BDP1: variants seen among roughly 807,000 people sequenced by gnomAD.
BDP1 encodes the protein BDP1 general transcription factor IIIB subunit, also known as transcription factor TFIIIB component B'' homolog.
In BDP1, 169 loss-of-function variants were observed where a neutral mutation model predicts 266.6. That is an observed-to-expected ratio of 0.63 (90% CI 0.56 to 0.72). BDP1 has a LOEUF of 0.72. Among genes scored for constraint, BDP1 ranks in the 30% least tolerant of loss-of-function variants. BDP1 has a pLI of 0.00. For missense variants in BDP1, 3,015 were observed against 3,053.8 expected, an observed-to-expected ratio of 0.99 and a Z score of 0.30; for synonymous variants, 1,090 against 1,022.4, an observed-to-expected ratio of 1.07 and a Z score of -1.26.
Position 71,565,129 on chromosome 5 carries a change from A to G in BDP1, c.*244A>G, listed in dbSNP as rs1313686119. The G allele has an allele frequency of 4.8e-6, 2 of 419,634 alleles. No individual in the cohort carries two copies. The highest frequency in any genetic ancestry group is 8.5e-6 in the Non-Finnish European group (2 of 236,400). 26.0% of individuals were successfully genotyped at this position (419,634 alleles called of 1,614,324 possible). A position where few individuals can be genotyped will look rare whatever the true frequency, so the allele number is the denominator to read the frequency against. On this transcript the variant is annotated 3_prime_UTR_variant, in exon 39 of 39. Transcript: ENST00000358731. The stretch of plus-strand genomic sequence containing the variant: ...AATTAAGACTGCTTTCTCAGACAGA[A>G]ATAACAACTCTTGTTTACATTTTGA...
chr5:71,557,375 ATTTTTTTTTTTTTTTT>A (rs55810132), intron 36 of BDP1, among the ~76,000 whole-genome samples: 3 of 103,350 alleles, frequency 2.9e-5, no homozygotes, highest in African/African-American at 4.4e-5. Context: ...TGCCAAGCTA[ATTTTTTTTTTTTTTTT>A]TTTTTTTTTT....
intron 25 of BDP1, among the ~76,000 whole-genome samples, chr5:71,527,461 A>G (rs1765961123): frequency 6.6e-6 from 1 of 152,038 alleles, no homozygotes; most frequent in African/African-American, 2.4e-5. Context: ...TTTGGCAACC[A>G]CTTTTCTACA....
intron 3 of BDP1, 26 bp downstream of exon 3, chr5:71,461,952 C>CAA: frequency 1.4e-6 from 1 of 713,884 alleles, no homozygotes; most frequent in Non-Finnish European, 2.4e-6. Flanking sequence ...TTCTGCTTTA[C>CAA]TATCTCTTTT....
chr5:71,512,336 G>A lies in BDP1; in HGVS notation c.4155G>A (p.Lys1385=). Residue 1385 remains lysine, a synonymous_variant, in exon 18 of 39, where the codon AAG becomes AAA. Coordinates refer to ENST00000358731, the MANE Select transcript of BDP1 (RefSeq NM_018429.3). ...TATCAAGTCACTTCAGTCATTTCAA[G>A]ATTTCTTCACAGACTCATGAATCTG... The part of the protein sequence containing the change: ...KEVSSHFSHF[K]ISSQTHESDK... The A allele has an allele frequency of 6.2e-7, 1 of 1,601,006 alleles. No homozygotes were observed. The highest frequency in any genetic ancestry group is 8.5e-7 in the Non-Finnish European group (1 of 1,176,514).
chr5:71,493,841 G>A (rs145583398), intron 11 of BDP1, among the ~76,000 whole-genome samples: 30 of 152,230 alleles, frequency 2.0e-4, no homozygotes, highest in African/African-American at 7.0e-4. Context: ...AGAAATTAGC[G>A]GGCAAAGATA....
At position 71,566,021 on chromosome 5, in the gene BDP1, T is replaced by G. The variant is rs1009258517; in HGVS notation, c.*1136T>G. The G allele has an allele frequency of 1.8e-5, 4 of 222,882 alleles. No homozygotes were observed. The highest frequency in any genetic ancestry group is 9.3e-5 in the African/African-American group (4 of 42,834). 13.8% of individuals were successfully genotyped at this position (222,882 alleles called of 1,614,324 possible). On this transcript the variant is annotated 3_prime_UTR_variant, in exon 39 of 39. Transcript: ENST00000358731. The stretch of plus-strand genomic sequence containing the variant: ...ATTTATGTTTGTCTCCTTTTTCTGT[T>G]TAATTTTAAAGATATTTAAAATGAT...
Position 71,510,985 on chromosome 5 carries a change from T to A in BDP1, c.3893T>A (p.Ile1298Asn). Residue 1298 changes from isoleucine (I) to asparagine (N), a missense_variant, in exon 17 of 39, where the codon ATC becomes AAC. Transcript: ENST00000358731. ...TTTAGAGAGAGAGGATCTGAAGAGA[T>A]CTGTGTTACTGAGGAAAAGGTGGCA... ...ENFRERGSEE[I>N]CVTEEKVAEL... The A allele has an allele frequency of 6.2e-7, 1 of 1,614,020 alleles. No homozygotes were observed. Among genetic ancestry groups the A allele is most frequent in the Non-Finnish European group, 8.5e-7 (1 of 1,180,008 alleles).
In BDP1 at chr5:71,500,316, CTTTTTTTTTTTTTT is replaced by C. The variant is rs58201517; in HGVS notation, c.1957-1233_1957-1220del. Among the ~76,000 whole-genome samples the C allele has an allele frequency of 9.6e-5, 7 of 73,100 alleles. No homozygotes were observed. The South Asian group carries it at 1.7e-3, about 18-fold the overall frequency. 48.0% of individuals were successfully genotyped at this position (73,100 alleles called of 152,430 possible). On this transcript the variant is annotated intron_variant, in intron 13 of 38. Coordinates refer to ENST00000358731, the MANE Select transcript of BDP1 (RefSeq NM_018429.3). ...TCTTTGAAGTGTTGTAATCTTGTTTCTTTTTTTTTTTTTTTTTTTTTTTTTTGAGGTTTAGTTTC... is the reference window on the plus strand; with the variant it reads ...TCTTTGAAGTGTTGTAATCTTGTTTCTTTTTTTTTTTTGAGGTTTAGTTTC...
intron 7 of BDP1, among the ~76,000 whole-genome samples, chr5:71,476,753 G>T (rs1762610660): frequency 1.3e-5 from 2 of 152,140 alleles, no homozygotes; most frequent in Admixed American, 6.5e-5. Flanking sequence ...ACCCAGGCTG[G>T]AGTGCAGTGG....
chr5:71,462,071 T>C, intron 3 of BDP1, 145 bp downstream of exon 3: 1 of 576,438 alleles, frequency 1.7e-6, no homozygotes, highest in Non-Finnish European at 3.2e-6. Context: ...CAAGCGATTC[T>C]CCTGCCTCAG....
intron 16 of BDP1, among the ~76,000 whole-genome samples, chr5:71,506,758 T>TTATATATATATATA (rs67179518): frequency 1.3e-4 from 17 of 135,862 alleles, no homozygotes; most frequent in African/African-American, 4.8e-4. Flanking sequence ...GTTTGGAGGT[T>TTATATATATATATA]TATATATATA....
At chr5:71,472,888 C>CTTTTTTTTTT (rs57109617) in intron 7 of BDP1, among the ~76,000 whole-genome samples, 7 of 53,942 alleles carry the variant, frequency 1.3e-4, no homozygotes, top group South Asian at 8.9e-4. Flanking sequence ...CTCTCTCTCT[C>CTTTTTTTTTT]TTTTTTTTTT....
the BDP1 span, among the ~76,000 whole-genome samples, chr5:71,574,332 G>C: frequency 6.6e-6 from 1 of 152,174 alleles, no homozygotes; most frequent in Non-Finnish European, 1.5e-5. Context: ...AATCAGTGCC[G>C]CTCAAAATTT....
chr5:71,481,113 G>T (rs965289304), intron 7 of BDP1, among the ~76,000 whole-genome samples: 1 of 151,980 alleles, frequency 6.6e-6, no homozygotes, highest in Non-Finnish European at 1.5e-5. Flanking sequence ...TGCAGAGGTT[G>T]CAGTGAGCTG....
chr5:71,517,534 T>C (rs1407106074), intron 22 of BDP1, 82 bp downstream of exon 22: 2 of 1,170,274 alleles, frequency 1.7e-6, no homozygotes, highest in East Asian at 2.4e-5. Flanking sequence ...TATATATTAA[T>C]AACTTCACAT....
Position 71,516,104 on chromosome 5 carries a change from G to A in BDP1, c.4693G>A (p.Val1565Ile). The A allele has an allele frequency of 6.2e-7, 1 of 1,611,370 alleles. No homozygotes were observed. ...TTTCCAGCAAGAAATGAAGGAAAGT[G>A]TTATCCAAACTGCTCGACAAGTAAG... ...NTFQQEMKESVIQTARQVRGR... is the reference protein window; with the variant it reads ...NTFQQEMKESIIQTARQVRGR... Residue 1565 changes from valine (V) to isoleucine (I), a missense_variant, in exon 21 of 39, where the codon GTT becomes ATT. By Grantham distance (29) the Val-to-Ile change is conservative. Around this residue, in one of 3 missense-constraint regions of BDP1, gnomAD observed 2,383 missense variants for 2,404.9 expected, o/e 0.99. Coordinates refer to ENST00000358731, the MANE Select transcript of BDP1 (RefSeq NM_018429.3).
At chr5:71,458,522 C>A in intron 1 of BDP1, 57 bp from the exon 2 acceptor site, 1 of 1,307,970 alleles carries the variant, frequency 7.6e-7, no homozygotes, top group Non-Finnish European at 1.0e-6. Context: ...GGTTTTAAAA[C>A]TAGCATGTGT....
At chr5:71,480,658 C>G (rs1298879167) in intron 7 of BDP1, among the ~76,000 whole-genome samples, 1 of 151,484 alleles carries the variant, frequency 6.6e-6, no homozygotes, top group Admixed American at 6.6e-5. Context: ...CCTCTGCTTC[C>G]TGGGTTCAGG....
chr5:71,509,450 C>CTT lies in BDP1; in HGVS notation c.2373-6_2373-5dup. ...GGTTTAAAACTTGATTGTGTGCCCC[C>CTT]TTTTTTTTTTATAGCGTTCAAGAGA... is the stretch of plus-strand genomic sequence containing the variant. On this transcript the variant is annotated splice_polypyrimidine_tract_variant and intron_variant, in intron 16 of 38. Transcript: ENST00000358731. The CTT allele has an allele frequency of 6.5e-6, 8 of 1,222,524 alleles. No individual in the cohort carries two copies. Among genetic ancestry groups the CTT allele is most frequent in the East Asian group, 2.9e-5 (1 of 34,998 alleles). 75.7% of individuals were successfully genotyped at this position (1,222,524 alleles called of 1,614,324 possible). A position where few individuals can be genotyped will look rare whatever the true frequency, so the allele number is the denominator to read the frequency against.
Sources: allele counts gnomAD v4.1 joint callset (sites outside exome capture counted in the v4.1 genomes callset), GRCh38; gene constraint gnomAD v4.1.1; regional missense constraint gnomAD v4.1.1; transcripts MANE v1.5; gene names NCBI Gene and HGNC (gene_info 2026-07-23, HGNC 2026-07-21).